RCOR3: variants seen among roughly 807,000 people sequenced by gnomAD.
The protein encoded by RCOR3 is REST corepressor 3.
RCOR3 carries 13 observed loss-of-function variants against 64.1 expected under a neutral mutation model. The observed-to-expected ratio is 0.20, with a 90% CI of 0.13 to 0.32. RCOR3 has a LOEUF of 0.32. Ranked by LOEUF, RCOR3 falls within the 10% of genes least tolerant of loss-of-function variation. The probability of loss-of-function intolerance (pLI) is 1.00; values close to 1 mark genes in which losing one functional copy is unlikely to be tolerated. For missense variants in RCOR3, 489 were observed against 701.2 expected (o/e 0.70, Z 3.42); for synonymous variants, 215 against 239.0 (o/e 0.90, Z 0.93).
intron 1 of RCOR3, 182 bp from the exon 2 acceptor site, chr1:211,259,926 C>A (rs1693904096): frequency 1.3e-6 from 1 of 770,238 alleles, no homozygotes; most frequent in Non-Finnish European, 1.9e-6. Context: ...CCGCCTTTGC[C>A]CCCCCCCGCT....
chr1:211,270,755 TTACTA>T (rs1405895446), intron 2 of RCOR3, among the ~76,000 whole-genome samples: 1 of 152,204 alleles, frequency 6.6e-6, no homozygotes, highest in Non-Finnish European at 1.5e-5. Flanking sequence ...AGCAAAATAT[TTACTA>T]TATGTAATGT....
At position 211,309,086 on chromosome 1, in the gene RCOR3, T is replaced by TAAAAAA. The variant is rs10688171; in HGVS notation, c.1076-3619_1076-3614dup. On this transcript the variant is annotated intron_variant, in intron 10 of 11. Transcript: ENST00000419091. ...CCATGCTATCCTTTCTAGCTAAACA[T>TAAAAAA]AAAAAAAAAAAAAAAAAAAAGATTC... is the stretch of plus-strand genomic sequence containing the variant. Among the ~76,000 whole-genome samples, 95 of 113,856 alleles carry TAAAAAA rather than the reference T, an allele frequency of 8.3e-4. 2 individuals carry two copies. The highest frequency in any genetic ancestry group is 2.5e-3 in the African/African-American group (75 of 30,318). 74.7% of individuals were successfully genotyped at this position (113,856 alleles called of 152,430 possible).
intron 2 of RCOR3, among the ~76,000 whole-genome samples, chr1:211,269,763 ATTG>A (rs1283187140): frequency 6.9e-6 from 1 of 144,016 alleles, no homozygotes; most frequent in Non-Finnish European, 1.5e-5. Flanking sequence ...CATTCATGCT[ATTG>A]TTTCTTAATT....
rs576066049 is a variant in RCOR3 at position 211,316,111 on chromosome 1, A to G, written c.*2343A>G. 1.8e-4 allele frequency: 28 copies of G among 152,338 alleles called. No homozygotes were observed. Among genetic ancestry groups the G allele is most frequent in the African/African-American group, 6.7e-4 (28 of 41,582 alleles). 9.4% of individuals were successfully genotyped at this position (152,338 alleles called of 1,614,324 possible). A position where few individuals can be genotyped will look rare whatever the true frequency, so the allele number is the denominator to read the frequency against. On this transcript the variant is annotated 3_prime_UTR_variant, in exon 12 of 12. Coordinates refer to ENST00000419091, the MANE Select transcript of RCOR3 (RefSeq NM_001136223.3). ...CGAAATAATGATTTTTATAAAAGCAAAACTAGAAATCTTTTAATGACAATT... is the reference window on the plus strand; with the variant it reads ...CGAAATAATGATTTTTATAAAAGCAGAACTAGAAATCTTTTAATGACAATT...
chr1:211,268,551 AT>A (rs1695621491), intron 2 of RCOR3, among the ~76,000 whole-genome samples: 1 of 151,276 alleles, frequency 6.6e-6, no homozygotes, highest in African/African-American at 2.4e-5. Flanking sequence ...GGCTAATTGT[AT>A]TTTTAATAGA....
Position 211,313,044 on chromosome 1 carries a change from GA to G in RCOR3, c.1317+84del. ...GTATTCTGTAAGGTTAATTTGTCAAGAGGACTAGCTAAATTGAGCATGAAAG... is the reference window on the plus strand; with the variant it reads ...GTATTCTGTAAGGTTAATTTGTCAAGGGACTAGCTAAATTGAGCATGAAAG... On this transcript the variant is annotated intron_variant, in intron 11 of 11. Coordinates refer to ENST00000419091, the MANE Select transcript of RCOR3 (RefSeq NM_001136223.3). The surrounding 1 kb of genome is among the most constrained non-coding windows in gnomAD (Gnocchi z 4.7). The G allele has an allele frequency of 1.9e-6, 3 of 1,599,276 alleles. No homozygotes were observed. The highest frequency in any genetic ancestry group is 2.6e-6 in the Non-Finnish European group (3 of 1,171,706).
Position 211,290,054 on chromosome 1 carries a change from T to A in RCOR3, c.939+658T>A, listed in dbSNP as rs550828141. On this transcript the variant is annotated intron_variant, in intron 8 of 11. Coordinates refer to ENST00000419091, the MANE Select transcript of RCOR3 (RefSeq NM_001136223.3). ...TGCTTAAAACAGTGCCTGGCGCATATTAAGCTCAGTTATTCGTTGCTATTA... is the reference window on the plus strand; with the variant it reads ...TGCTTAAAACAGTGCCTGGCGCATAATAAGCTCAGTTATTCGTTGCTATTA... Among the ~76,000 whole-genome samples, 5 of 152,362 alleles carry A rather than the reference T, an allele frequency of 3.3e-5. No individual in the cohort carries two copies. In the South Asian group the frequency reaches 1.0e-3, roughly 32 times the overall value.
At chr1:211,304,882 A>G (rs920994401) in intron 10 of RCOR3, among the ~76,000 whole-genome samples, 1 of 152,122 alleles carries the variant, frequency 6.6e-6, no homozygotes, top group Non-Finnish European at 1.5e-5. Context: ...CTTCATGATA[A>G]ATTTATGTGC....
intron 2 of RCOR3, among the ~76,000 whole-genome samples, chr1:211,262,160 C>T (rs1003682975): frequency 6.8e-6 from 1 of 146,428 alleles, no homozygotes; most frequent in African/African-American, 2.5e-5. Flanking sequence ...GCCTCAGCCT[C>T]CTGAGTAGCT....
chr1:211,298,162 T>TA (rs1412847325), intron 9 of RCOR3, among the ~76,000 whole-genome samples: 4 of 151,446 alleles, frequency 2.6e-5, no homozygotes, highest in Non-Finnish European at 5.9e-5. Context: ...ACCTGCTTTT[T>TA]AAAAAAAAAG....
intron 2 of RCOR3, among the ~76,000 whole-genome samples, chr1:211,265,268 A>C (rs1208602650): frequency 3.5e-5 from 5 of 144,192 alleles, no homozygotes; most frequent in Admixed American, 3.3e-4. Flanking sequence ...CCAATTAAAT[A>C]TAAATACTAC....
rs76701183 is a variant in RCOR3 at position 211,313,952 on chromosome 1, T to A, written c.*184T>A. ...TTTCAGTTCACTAGACTAAAATGTT[T>A]TACAACAAAAAGCCTCCAGTTAGCC... On this transcript the variant is annotated 3_prime_UTR_variant, in exon 12 of 12. Coordinates refer to ENST00000419091, the MANE Select transcript of RCOR3 (RefSeq NM_001136223.3). This position sits in a 1 kb window ranked among gnomAD's most constrained non-coding sequence, Gnocchi z 4.7. The A allele has an allele frequency of 9.6e-4, 588 of 614,702 alleles. 3 individuals carry two copies. In the East Asian group the frequency reaches 0.015, roughly 16 times the overall value. 38.1% of individuals were successfully genotyped at this position (614,702 alleles called of 1,614,324 possible). A position where few individuals can be genotyped will look rare whatever the true frequency, so the allele number is the denominator to read the frequency against.
chr1:211,311,772 G>T (rs1158857472), intron 10 of RCOR3, among the ~76,000 whole-genome samples: 1 of 152,058 alleles, frequency 6.6e-6, no homozygotes, highest in African/African-American at 2.4e-5. Flanking sequence ...TTTGAGCTAA[G>T]TGCATCTCCT....
At chr1:211,285,394 T>A (rs1698394901) in intron 7 of RCOR3, among the ~76,000 whole-genome samples, 1 of 152,262 alleles carries the variant, frequency 6.6e-6, no homozygotes, top group Non-Finnish European at 1.5e-5. Flanking sequence ...CTGAGTAATC[T>A]AACTTCTTGC....
intron 7 of RCOR3, among the ~76,000 whole-genome samples, chr1:211,284,631 C>G (rs1405286377): frequency 6.6e-6 from 1 of 152,102 alleles, no homozygotes; most frequent in South Asian, 2.1e-4. Context: ...TCAAGCCATC[C>G]TCTTGCCTCC....
chr1:211,313,790 C>T lies in RCOR3; in HGVS notation c.*22C>T, dbSNP rs996384752. The stretch of plus-strand genomic sequence containing the variant: ...CTAAAAATTAAATTGGACACAGCTG[C>T]AGTAACTTTTCACCCCATCATTATA... On this transcript the variant is annotated 3_prime_UTR_variant, in exon 12 of 12. Transcript: ENST00000419091. This position sits in a 1 kb window ranked among gnomAD's most constrained non-coding sequence, Gnocchi z 4.7. 11 of 1,589,158 alleles carry T rather than the reference C, an allele frequency of 6.9e-6. No homozygotes were observed. The African/African-American group carries it at 9.4e-5, about 14-fold the overall frequency.
chr1:211,291,285 C>T (rs1699214079), intron 8 of RCOR3, among the ~76,000 whole-genome samples: 1 of 152,064 alleles, frequency 6.6e-6, no homozygotes, highest in South Asian at 2.1e-4. Context: ...GTTGAGCATC[C>T]CTAATCTGAA....
rs1277485141 is a variant in RCOR3 at position 211,259,593 on chromosome 1, A to C, written c.33A>C (p.Leu11Phe). The change falls in exon 1 of 12, where the codon TTA (leucine) becomes TTC (phenylalanine). Residue 11 changes from leucine to phenylalanine, a missense_variant. Coordinates refer to ENST00000419091, the MANE Select transcript of RCOR3 (RefSeq NM_001136223.3). Reference protein sequence around the residue: MPGMMEKGPELLGKNRSANGS... With the variant: MPGMMEKGPEFLGKNRSANGS... ...GCATGATGGAGAAAGGGCCCGAGTT[A>C]CTGGGGAAGAACCGATCGGCCAACG... The C allele has an allele frequency of 1.6e-5, 25 of 1,546,286 alleles. No individual in the cohort carries two copies. Among genetic ancestry groups the C allele is most frequent in the Non-Finnish European group, 3.5e-6 (4 of 1,145,606 alleles).
chr1:211,263,197 T>C (rs1159676273), intron 2 of RCOR3, among the ~76,000 whole-genome samples: 1 of 151,992 alleles, frequency 6.6e-6, no homozygotes, highest in East Asian at 1.9e-4. Flanking sequence ...ACAAAGGACA[T>C]GAACTCATCA....
Sources: allele counts gnomAD v4.1 joint callset (sites outside exome capture counted in the v4.1 genomes callset), GRCh38; gene constraint gnomAD v4.1.1; non-coding constraint Gnocchi (gnomAD v3.1); transcripts MANE v1.5; gene names NCBI Gene and HGNC (gene_info 2026-07-23, HGNC 2026-07-21).